Variants in KALRN observed in about 807,000 individuals in gnomAD.
The protein encoded by KALRN is kalirin.
KALRN carries 70 observed loss-of-function variants against 353.7 expected under a neutral mutation model. The observed-to-expected ratio is 0.20, with a 90% CI of 0.16 to 0.24. The LOEUF is 0.24. Ranked by LOEUF, KALRN falls within the 10% of genes least tolerant of loss-of-function variation. The pLI, the probability that KALRN is intolerant of heterozygous loss-of-function variation, is 1.00. For synonymous variants in KALRN, 1,391 were observed against 1,434.8 expected, an observed-to-expected ratio of 0.97 and a Z score of 0.69; for missense variants, 2,791 against 3,756.7, an observed-to-expected ratio of 0.74 and a Z score of 6.72.
intron 6 of KALRN, among the ~76,000 whole-genome samples, chr3:124,309,423 T>C (rs1220949878): frequency 6.6e-6 from 1 of 152,154 alleles, no homozygotes; most frequent in African/African-American, 2.4e-5. Flanking sequence ...TAGCCAGACA[T>C]GGTGGTGCTC....
chr3:124,535,175 A>T (rs534469412), intron 33 of KALRN, among the ~76,000 whole-genome samples: 15 of 152,146 alleles, frequency 9.9e-5, no homozygotes, highest in African/African-American at 3.6e-4. Flanking sequence ...TTTCCTATAA[A>T]GAAGTTTTTT....
chr3:124,642,806 G>GTTGTTTTTTTTTTTTTTTT lies in KALRN; in HGVS notation c.5664+5505_5664+5506insGTTTTTTTTTTTTTTTTTT, dbSNP rs796628603. Among the ~76,000 whole-genome samples the GTTGTTTTTTTTTTTTTTTT allele has an allele frequency of 1.8e-3, 176 of 96,810 alleles. 20 individuals are homozygous for GTTGTTTTTTTTTTTTTTTT. Among genetic ancestry groups the GTTGTTTTTTTTTTTTTTTT allele is most frequent in the African/African-American group, 5.3e-3 (118 of 22,304 alleles). The allele number at this position is 96,810 out of a possible 152,430, so 63.5% of individuals were successfully genotyped here. ...TCTGTGGAAGAGATTCCCAAGCCTC[G>GTTGTTTTTTTTTTTTTTTT]TTTTTTTTTTTTTTTTTTTTGAGAC... On this transcript the variant is annotated intron_variant, in intron 37 of 59. Transcript: ENST00000682506.
At chr3:124,405,385 C>A (rs964208139) in intron 13 of KALRN, among the ~76,000 whole-genome samples, 1 of 152,078 alleles carries the variant, frequency 6.6e-6, no homozygotes, top group Non-Finnish European at 1.5e-5. Flanking sequence ...GGTAAGGATG[C>A]AGTAGAAGGT....
intron 34 of KALRN, among the ~76,000 whole-genome samples, chr3:124,596,905 A>G (rs2076319218): frequency 6.6e-6 from 1 of 152,116 alleles, no homozygotes; most frequent in Non-Finnish European, 1.5e-5. Context: ...AAAATTAGCC[A>G]GGCATTGGTG....
intron 10 of KALRN, among the ~76,000 whole-genome samples, chr3:124,372,937 A>G (rs73858433): frequency 0.031 from 1,733 of 56,698 alleles, 24 homozygotes; most frequent in African/African-American, 0.11. Context: ...GGCTACAATT[A>G]GAGTCACCTG....
intron 34 of KALRN, among the ~76,000 whole-genome samples, chr3:124,613,659 T>C (rs935594918): frequency 1.3e-5 from 2 of 152,242 alleles, no homozygotes; most frequent in Non-Finnish European, 2.9e-5. Flanking sequence ...AACAGTTAGG[T>C]AACCTAAATC....
chr3:124,619,482 CTTTT>C lies in KALRN; in HGVS notation c.5183-12919_5183-12916del, dbSNP rs59009780. ...GTGATAATTCCTTTTTATTTTCCTT[CTTTT>C]TTTTTTTTTTTTTTTTTTGAGATAG... On this transcript the variant is annotated intron_variant, in intron 34 of 59. Coordinates refer to ENST00000682506, the MANE Select transcript of KALRN (RefSeq NM_001388419.1). 5.8e-4 allele frequency among the ~76,000 whole-genome samples: 61 copies of C among 104,654 alleles called. 1 individual carries two copies. Among genetic ancestry groups the C allele is most frequent in the South Asian group, 1.1e-3 (3 of 2,746 alleles). The allele number at this position is 104,654 out of a possible 152,430, so 68.7% of individuals were successfully genotyped here.
Position 124,713,010 on chromosome 3 carries a change from A to C in KALRN, c.8151A>C (p.Lys2717Asn). The change falls in exon 58 of 60, where the codon AAA becomes AAC. Residue 2717 changes from lysine (K) to asparagine (N), a missense_variant. Lys to Asn is a moderately conservative substitution (Grantham distance 94). Coordinates refer to ENST00000682506, the MANE Select transcript of KALRN (RefSeq NM_001388419.1). ...ATGTGGCTGTGAAATTTGTTAGCAAAAAAATGAAGAAGAAAGAACAGGCTG... is the reference window on the plus strand; with the variant it reads ...ATGTGGCTGTGAAATTTGTTAGCAACAAAATGAAGAAGAAAGAACAGGCTG... ...RKDVAVKFVS[K>N]KMKKKEQAAH... The C allele has an allele frequency of 6.2e-7, 1 of 1,614,156 alleles. No homozygotes were observed. Among genetic ancestry groups the C allele is most frequent in the Non-Finnish European group, 8.5e-7 (1 of 1,180,024 alleles).
At chr3:124,409,240 C>T (rs369852383) in intron 13 of KALRN, among the ~76,000 whole-genome samples, 26 of 152,128 alleles carry the variant, frequency 1.7e-4, no homozygotes, top group African/African-American at 5.3e-4. Flanking sequence ...TGACTGAAAG[C>T]GGAATGCCCT....
At chr3:124,663,692 C>A (rs2085191100) in intron 45 of KALRN, among the ~76,000 whole-genome samples, 1 of 152,040 alleles carries the variant, frequency 6.6e-6, no homozygotes, top group African/African-American at 2.4e-5. Context: ...CTTTTTGGGG[C>A]AAAGGGATTC....
chr3:124,671,636 T>A, intron 47 of KALRN, 24 bp from the exon 48 acceptor site: 1 of 1,555,508 alleles, frequency 6.4e-7, no homozygotes, highest in African/African-American at 1.4e-5. Context: ...AAGCTTAGAG[T>A]AACCACCTGC....
intron 47 of KALRN, among the ~76,000 whole-genome samples, chr3:124,669,373 GCA>G (rs2086091070): frequency 6.6e-6 from 1 of 152,298 alleles, no homozygotes; most frequent in African/African-American, 2.4e-5. Flanking sequence ...CTGTAGGGAC[GCA>G]CAGTTTTCTT....
intron 3 of KALRN, among the ~76,000 whole-genome samples, chr3:124,260,542 T>C (rs2072698431): frequency 6.6e-6 from 1 of 152,164 alleles, no homozygotes; most frequent in African/African-American, 2.4e-5. Flanking sequence ...CCCTTGGGAA[T>C]TGGACCCTGG....
chr3:124,113,439 A>G (rs560979647), intron 1 of KALRN, among the ~76,000 whole-genome samples: 24 of 152,306 alleles, frequency 1.6e-4, no homozygotes, highest in African/African-American at 5.8e-4. Flanking sequence ...AAGGGTACGG[A>G]GATAGAATAT....
chr3:124,689,946 T>C (rs551850555), intron 51 of KALRN, among the ~76,000 whole-genome samples: 13 of 152,306 alleles, frequency 8.5e-5, no homozygotes, highest in African/African-American at 3.1e-4. Context: ...CTACAGCCCC[T>C]AGAAGAGTGC....
In KALRN at chr3:124,442,070, G is replaced by C. The variant is rs749093362; in HGVS notation, c.3313+11G>C. ...AGCAACAAGTGAAAGGTCAGTGAGAGACCTGCCCAGCCACCAGTCACTTCA... is the reference window on the plus strand; with the variant it reads ...AGCAACAAGTGAAAGGTCAGTGAGACACCTGCCCAGCCACCAGTCACTTCA... On this transcript the variant is annotated intron_variant, in intron 19 of 59. Transcript: ENST00000682506. 1 of 1,553,922 alleles carries C rather than the reference G, an allele frequency of 6.4e-7. No individual in the cohort carries two copies. The highest frequency in any genetic ancestry group is 8.8e-7 in the Non-Finnish European group (1 of 1,134,996).
At chr3:124,265,059 T>G (rs374040815) in intron 4 of KALRN, among the ~76,000 whole-genome samples, 8 of 152,286 alleles carry the variant, frequency 5.3e-5, no homozygotes, top group African/African-American at 1.9e-4. Context: ...TTTGGGTACA[T>G]GTGACATTTT....
chr3:124,174,793 A>C (rs1202439276), intron 1 of KALRN, among the ~76,000 whole-genome samples: 1 of 152,238 alleles, frequency 6.6e-6, no homozygotes, highest in African/African-American at 2.4e-5. Flanking sequence ...CAGAGGAAGG[A>C]AAGCTGTGTC....
rs919549004 is a variant in KALRN at position 124,691,352 on chromosome 3, G to A, written c.7378-2452G>A. On this transcript the variant is annotated intron_variant, in intron 51 of 59. Coordinates refer to ENST00000682506, the MANE Select transcript of KALRN (RefSeq NM_001388419.1). ...CTGAGGCAGGGGAATCACTTGAACC[G>A]GGGAGGCGGAATTTGCGGTGAGCTG... Among the ~76,000 whole-genome samples the A allele has an allele frequency of 3.9e-5, 6 of 152,210 alleles. No individual in the cohort carries two copies. The South Asian group carries it at 8.3e-4, about 21-fold the overall frequency.
Sources: allele counts gnomAD v4.1 joint callset (sites outside exome capture counted in the v4.1 genomes callset), GRCh38; gene constraint gnomAD v4.1.1; transcripts MANE v1.5; gene names NCBI Gene and HGNC (gene_info 2026-07-23, HGNC 2026-07-21).